The following LIN7A variants were observed in gnomAD, a reference collection of about 807,000 sequenced individuals.
The protein encoded by LIN7A is protein lin-7 homolog A.
In LIN7A, 25 loss-of-function variants were observed where a neutral mutation model predicts 29.8. The ratio of observed to expected loss-of-function variants is 0.84; its 90% CI spans 0.61 to 1.17. The LOEUF is 1.17. Among genes scored for constraint, LIN7A ranks in the 50% most tolerant of loss-of-function variants. The probability of loss-of-function intolerance (pLI) is 0.00; values close to 1 mark genes in which losing one functional copy is unlikely to be tolerated. For missense variants in LIN7A, 239 were observed against 287.0 expected (o/e 0.83, Z 1.21); for synonymous variants, 118 against 107.5 (o/e 1.10, Z -0.60).
chr12:80,833,239 C>A (rs1184702035), intron 4 of LIN7A, among the ~76,000 whole-genome samples: 2 of 152,180 alleles, frequency 1.3e-5, no homozygotes, highest in Admixed American at 1.3e-4. Context: ...TCACTCTCAC[C>A]TGAACCATCT....
intron 2 of LIN7A, among the ~76,000 whole-genome samples, chr12:80,876,889 A>AG (rs1415599560): frequency 9.2e-5 from 14 of 152,138 alleles, no homozygotes; most frequent in African/African-American, 2.7e-4. Flanking sequence ...TGGGAGGCCG[A>AG]GGCGGGCGGA....
chr12:80,896,183 A>T (rs1231751080), intron 1 of LIN7A, among the ~76,000 whole-genome samples: 2 of 152,164 alleles, frequency 1.3e-5, no homozygotes, highest in Non-Finnish European at 2.9e-5. Context: ...TAAAGATCCA[A>T]AGAAGGAGCA....
chr12:80,839,477 T>C (rs1289280350), intron 4 of LIN7A, among the ~76,000 whole-genome samples: 1 of 152,234 alleles, frequency 6.6e-6, no homozygotes, highest in Non-Finnish European at 1.5e-5. Context: ...TTTGACTATA[T>C]ACAGGGACTG....
intron 1 of LIN7A, among the ~76,000 whole-genome samples, chr12:80,908,663 G>C (rs1260638508): frequency 6.6e-6 from 1 of 151,894 alleles, no homozygotes; most frequent in Non-Finnish European, 1.5e-5. Flanking sequence ...ATACACAAAA[G>C]GTGATATTTT....
intron 2 of LIN7A, among the ~76,000 whole-genome samples, chr12:80,886,056 C>T (rs1039008397): frequency 3.3e-5 from 5 of 152,018 alleles, no homozygotes; most frequent in Non-Finnish European, 7.4e-5. Context: ...AAGAATGATG[C>T]CACTGTCATT....
At chr12:80,927,988 G>T (rs1421286072) in intron 1 of LIN7A, among the ~76,000 whole-genome samples, 1 of 152,106 alleles carries the variant, frequency 6.6e-6, no homozygotes, top group African/African-American at 2.4e-5. Flanking sequence ...ATAGTTTGCT[G>T]AGAATGATGG....
chr12:80,882,617 T>G (rs1284465826), intron 2 of LIN7A, among the ~76,000 whole-genome samples: 1 of 152,194 alleles, frequency 6.6e-6, no homozygotes, highest in East Asian at 1.9e-4. Flanking sequence ...ACCTATTTTA[T>G]GTTTTTCTTG....
chr12:80,931,027 T>C (rs1028176754), intron 1 of LIN7A, among the ~76,000 whole-genome samples: 1 of 152,188 alleles, frequency 6.6e-6, no homozygotes, highest in Admixed American at 6.5e-5. Context: ...GCAAATGTCA[T>C]GACTTTAAGA....
intron 1 of LIN7A, among the ~76,000 whole-genome samples, chr12:80,892,495 C>A (rs1875675345): frequency 6.6e-6 from 1 of 152,098 alleles, no homozygotes; most frequent in Admixed American, 6.5e-5. Flanking sequence ...TTAGAGACTA[C>A]ACTGGGTGAA....
At chr12:80,933,832 T>G (rs1228743087) in intron 1 of LIN7A, among the ~76,000 whole-genome samples, 1 of 152,104 alleles carries the variant, frequency 6.6e-6, no homozygotes, top group East Asian at 1.9e-4. Flanking sequence ...GCAGCCCCCA[T>G]TTATAGCACT....
At chr12:80,830,460 C>T (rs1206503924) in intron 4 of LIN7A, among the ~76,000 whole-genome samples, 1 of 152,108 alleles carries the variant, frequency 6.6e-6, no homozygotes, top group East Asian at 1.9e-4. Flanking sequence ...TCTGCAGACG[C>T]TTGGCTTAGA....
intron 3 of LIN7A, 90 bp from the exon 4 acceptor site, chr12:80,846,029 C>G (rs1483107516): frequency 8.9e-7 from 1 of 1,118,782 alleles, no homozygotes; most frequent in Non-Finnish European, 1.2e-6. Flanking sequence ...GCTCAGGCAA[C>G]TTCTCATATT....
At chr12:80,934,574 T>G (rs1226066920) in intron 1 of LIN7A, among the ~76,000 whole-genome samples, 1 of 152,226 alleles carries the variant, frequency 6.6e-6, no homozygotes, top group Admixed American at 6.5e-5. Context: ...TGGAAAGCAG[T>G]AAATCTTAAT....
intron 1 of LIN7A, among the ~76,000 whole-genome samples, chr12:80,929,407 T>C (rs535252917): frequency 1.8e-4 from 27 of 152,242 alleles, no homozygotes; most frequent in Non-Finnish European, 2.8e-4. Flanking sequence ...CCTAGCTTAG[T>C]CACCTGTAAA....
intron 1 of LIN7A, among the ~76,000 whole-genome samples, chr12:80,935,340 A>C (rs1878149540): frequency 6.6e-6 from 1 of 152,144 alleles, no homozygotes; most frequent in African/African-American, 2.4e-5. Context: ...GATCTGGAAA[A>C]TCTCCCAGTA....
At chr12:80,930,967 T>A (rs1481303303) in intron 1 of LIN7A, among the ~76,000 whole-genome samples, 1 of 152,184 alleles carries the variant, frequency 6.6e-6, no homozygotes. Flanking sequence ...GGGTTCTACA[T>A]AAACAAACCC....
intron 4 of LIN7A, among the ~76,000 whole-genome samples, chr12:80,844,960 C>T (rs936400907): frequency 3.3e-5 from 5 of 151,640 alleles, no homozygotes; most frequent in African/African-American, 4.8e-5. Flanking sequence ...ATTTTGAGGC[C>T]GGGCGCGATG....
At chr12:80,868,288 G>T (rs1012403869) in intron 2 of LIN7A, among the ~76,000 whole-genome samples, 7 of 152,180 alleles carry the variant, frequency 4.6e-5, no homozygotes, top group Non-Finnish European at 7.3e-5. Flanking sequence ...AAATAAACTG[G>T]CCAGGAACGG....
rs144817393 is a variant in LIN7A, at chr12:80,922,931, CA to C, written c.82+14709del. On this transcript the variant is annotated intron_variant, in intron 1 of 5. Transcript: ENST00000552864. ...GTTCACTACTAACCTTGGCTTCAGG[CA>C]GCCCCCGGGGGTCTTGGCACATACC... Among the ~76,000 whole-genome samples, 776 of 152,208 alleles carry C rather than the reference CA, an allele frequency of 5.1e-3. 10 individuals carry two copies. Among genetic ancestry groups the C allele is most frequent in the African/African-American group, 0.018 (749 of 41,516 alleles).
Sources: allele counts gnomAD v4.1 joint callset (sites outside exome capture counted in the v4.1 genomes callset), GRCh38; gene constraint gnomAD v4.1.1; transcripts MANE v1.5; gene names NCBI Gene and HGNC (gene_info 2026-07-23, HGNC 2026-07-21).